The following ARFIP1 variants were observed in gnomAD, a reference collection of about 807,000 sequenced individuals.
ARFIP1 encodes arfaptin-1.
Under a neutral mutation model 42.5 loss-of-function variants are expected in ARFIP1, and 24 were observed. The ratio of observed to expected loss-of-function variants is 0.57; its 90% CI spans 0.41 to 0.80. The LOEUF (loss-of-function observed/expected upper bound fraction) is 0.80, where lower values mean the gene tolerates loss of function less well. Ranked by LOEUF, ARFIP1 falls within the 30% of genes least tolerant of loss-of-function variation. The pLI is 0.00. For missense variants in ARFIP1, 354 were observed against 434.0 expected (o/e 0.82, Z 1.64); for synonymous variants, 141 against 153.7 (o/e 0.92, Z 0.61).
At chr4:152,855,831 C>T (rs1285805786) in intron 2 of ARFIP1, among the ~76,000 whole-genome samples, 4 of 152,196 alleles carry the variant, frequency 2.6e-5, no homozygotes, top group Non-Finnish European at 5.9e-5. Context: ...TAGGGTCTGT[C>T]ATTTACCTCT....
chr4:152,910,690 A>G lies in ARFIP1; in HGVS notation c.*471A>G, dbSNP rs1229655255. The G allele has an allele frequency of 6.5e-6, 1 of 153,426 alleles. No homozygotes were observed. The highest frequency in any genetic ancestry group is 2.4e-5 in the African/African-American group (1 of 41,464). The allele number at this position is 153,426 out of a possible 1,614,324, so 9.5% of individuals were successfully genotyped here. A position where few individuals can be genotyped will look rare whatever the true frequency, so the allele number is the denominator to read the frequency against. On this transcript the variant is annotated 3_prime_UTR_variant, in exon 9 of 9. Transcript: ENST00000353617. Reference sequence around the variant, plus strand: ...AAAGAAAAAAGAAACTATTTTGCAGAGTAAAGTTATATGGTGTTCCTGCAG... The same window carrying G: ...AAAGAAAAAAGAAACTATTTTGCAGGGTAAAGTTATATGGTGTTCCTGCAG...
At position 152,830,504 on chromosome 4, in the gene ARFIP1, G is replaced by A. The variant is rs566119577; in HGVS notation, c.93+778G>A. 2.6e-5 allele frequency among the ~76,000 whole-genome samples: 4 copies of A among 152,214 alleles called. No individual in the cohort carries two copies. The South Asian group carries it at 8.3e-4, about 32-fold the overall frequency. ...GCAAGTGTACAACTTTAAAAACAGA[G>A]TTTTCGTATTTTTGAAAAAGTAGTG... is the stretch of plus-strand genomic sequence containing the variant. On this transcript the variant is annotated intron_variant, in intron 2 of 8. Transcript: ENST00000353617.
chr4:152,862,015 A>G (rs1361707672), intron 2 of ARFIP1, among the ~76,000 whole-genome samples: 2 of 152,150 alleles, frequency 1.3e-5, no homozygotes, highest in African/African-American at 4.8e-5. Context: ...CCAAATTAAT[A>G]TTCTTTAAGC....
At chr4:152,780,940 GTTTACAC>G (rs1352605114) in intron 1 of ARFIP1, among the ~76,000 whole-genome samples, 3 of 152,048 alleles carry the variant, frequency 2.0e-5, no homozygotes, top group Admixed American at 6.6e-5. Flanking sequence ...ATTTCAAAAA[GTTTACAC>G]TTTATACTTC....
chr4:152,815,300 C>T (rs1465504621), intron 1 of ARFIP1, among the ~76,000 whole-genome samples: 1 of 152,092 alleles, frequency 6.6e-6, no homozygotes, highest in African/African-American at 2.4e-5. Context: ...GTAGTTGCAA[C>T]AGAGACCTTA....
intron 1 of ARFIP1, among the ~76,000 whole-genome samples, chr4:152,794,576 A>G (rs1437680867): frequency 1.3e-5 from 2 of 152,126 alleles, no homozygotes; most frequent in East Asian, 3.8e-4. Context: ...TTAGTTGGTA[A>G]GTATCTTGTT....
chr4:152,785,103 G>T (rs925216298), intron 1 of ARFIP1, among the ~76,000 whole-genome samples: 2 of 152,192 alleles, frequency 1.3e-5, no homozygotes, highest in African/African-American at 4.8e-5. Flanking sequence ...GCCCTCCTTG[G>T]TTCCTTGGAA....
intron 1 of ARFIP1, among the ~76,000 whole-genome samples, chr4:152,822,296 T>TAAAAAAAAAAAAAAAAAAAAAAAAACAA (rs70949618): frequency 1.5e-5 from 1 of 65,580 alleles, no homozygotes; most frequent in African/African-American, 5.1e-5. Context: ...GCAACAGCAG[T>TAAAAAAAAAAAAAAAAAAAAAAAAACAA]AAAAAAAAAA....
At chr4:152,788,973 G>T (rs1311691415) in intron 1 of ARFIP1, among the ~76,000 whole-genome samples, 1 of 149,790 alleles carries the variant, frequency 6.7e-6, no homozygotes. Context: ...CTGTCCCTCA[G>T]TTGGGACTTG....
chr4:152,850,979 A>C (rs780623104), intron 2 of ARFIP1, among the ~76,000 whole-genome samples: 8 of 152,360 alleles, frequency 5.3e-5, no homozygotes, highest in African/African-American at 7.2e-5. Context: ...CTGTTAAACT[A>C]ACAAAGGAGA....
chr4:152,888,410 C>G, intron 8 of ARFIP1, 103 bp downstream of exon 8: 1 of 765,458 alleles, frequency 1.3e-6, no homozygotes, highest in Non-Finnish European at 2.0e-6. Context: ...ATGACAATTG[C>G]AAGAAGGAAT....
chr4:152,879,328 A>G (rs1364966240), intron 5 of ARFIP1, among the ~76,000 whole-genome samples: 1 of 152,176 alleles, frequency 6.6e-6, no homozygotes, highest in Non-Finnish European at 1.5e-5. Context: ...TATTCAGGAT[A>G]TTATATATAG....
In ARFIP1 at chr4:152,845,472, T is replaced by A. The variant is rs1403305926; in HGVS notation, c.93+15746T>A. 2.6e-5 allele frequency among the ~76,000 whole-genome samples: 4 copies of A among 152,058 alleles called. No homozygotes were observed. The East Asian group carries it at 7.7e-4, about 29-fold the overall frequency. On this transcript the variant is annotated intron_variant, in intron 2 of 8. Transcript: ENST00000353617. Reference sequence around the variant, plus strand: ...CTATGCATCTGACAAAGGTATAATATCCAGAATTTATAAGGAACTTAAACA... The same window carrying A: ...CTATGCATCTGACAAAGGTATAATAACCAGAATTTATAAGGAACTTAAACA...
chr4:152,809,390 C>A (rs1463172011), intron 1 of ARFIP1, among the ~76,000 whole-genome samples: 1 of 152,132 alleles, frequency 6.6e-6, no homozygotes, highest in African/African-American at 2.4e-5. Flanking sequence ...TATATACATA[C>A]AATGAAATAT....
At chr4:152,817,677 A>G (rs1277612911) in intron 1 of ARFIP1, among the ~76,000 whole-genome samples, 1 of 151,780 alleles carries the variant, frequency 6.6e-6, no homozygotes, top group Non-Finnish European at 1.5e-5. Flanking sequence ...ATAGAATGGG[A>G]GAAAATATTT....
At chr4:152,850,012 AC>A (rs1732855055) in intron 2 of ARFIP1, among the ~76,000 whole-genome samples, 1 of 152,194 alleles carries the variant, frequency 6.6e-6, no homozygotes, top group Non-Finnish European at 1.5e-5. Flanking sequence ...ATGTTGTCCA[AC>A]TACAGATTCC....
At chr4:152,882,910 G>C (rs754532337) in intron 7 of ARFIP1, 30 bp downstream of exon 7, 3 of 1,575,844 alleles carry the variant, frequency 1.9e-6, no homozygotes, top group East Asian at 2.3e-5. Flanking sequence ...TGTGTTGTCT[G>C]TTTTACAGAT....
intron 8 of ARFIP1, among the ~76,000 whole-genome samples, chr4:152,903,088 A>C (rs976023308): frequency 2.6e-5 from 4 of 152,214 alleles, no homozygotes; most frequent in African/African-American, 9.7e-5. Context: ...TTTAATAACC[A>C]AAATGTTCTG....
intron 2 of ARFIP1, chr4:152,850,689 T>A (rs905370984): frequency 2.0e-5 from 3 of 152,234 alleles, no homozygotes; most frequent in Non-Finnish European, 4.4e-5. Flanking sequence ...CAATCTGCAT[T>A]TTTAACAGGA....
Sources: allele counts gnomAD v4.1 joint callset (sites outside exome capture counted in the v4.1 genomes callset), GRCh38; gene constraint gnomAD v4.1.1; transcripts MANE v1.5; gene names NCBI Gene and HGNC (gene_info 2026-07-23, HGNC 2026-07-21).